Variants in RALYL observed in about 807,000 individuals in gnomAD.
The protein encoded by RALYL is RALY RNA binding protein like.
RALYL carries 29 observed loss-of-function variants against 35.1 expected under a neutral mutation model. The ratio of observed to expected loss-of-function variants is 0.83; its 90% confidence interval spans 0.61 to 1.13. RALYL has a LOEUF of 1.13. Ranked by LOEUF, RALYL falls within the 50% of genes most tolerant of loss-of-function variation. The pLI is 0.00. For synonymous variants in RALYL, 120 were observed against 127.6 expected (o/e 0.94, Z 0.40); for missense variants, 359 against 360.4 (o/e 1.00, Z 0.03).
intron 1 of RALYL, among the ~76,000 whole-genome samples, chr8:84,251,616 G>A (rs1018436388): frequency 2.6e-5 from 4 of 151,688 alleles, no homozygotes; most frequent in African/African-American, 4.8e-5. Flanking sequence ...TGTACATTTC[G>A]CCTTACCTTT....
intron 1 of RALYL, among the ~76,000 whole-genome samples, chr8:84,206,954 T>C (rs1005904769): frequency 2.0e-5 from 3 of 152,042 alleles, no homozygotes; most frequent in Non-Finnish European, 4.4e-5. Context: ...GAAATGCAGA[T>C]CAAAACCACA....
intron 1 of RALYL, among the ~76,000 whole-genome samples, chr8:84,401,637 CAAAAAAAA>C (rs71271985): frequency 1.7e-4 from 3 of 17,406 alleles, no homozygotes; most frequent in Non-Finnish European, 2.5e-4. Flanking sequence ...GACTCTGTCT[CAAAAAAAA>C]AAAAAAAAAA....
At chr8:84,730,731 C>A (rs1846009168) in intron 2 of RALYL, among the ~76,000 whole-genome samples, 2 of 151,962 alleles carry the variant, frequency 1.3e-5, no homozygotes. Flanking sequence ...TGGGACATAA[C>A]AAAACTCGTA....
intron 1 of RALYL, among the ~76,000 whole-genome samples, chr8:84,365,006 A>G (rs143972073): frequency 2.2e-3 from 341 of 152,236 alleles, no homozygotes; most frequent in African/African-American, 7.8e-3. Flanking sequence ...TAAATATCCT[A>G]TGGGAATGAT....
At chr8:84,838,424 C>A (rs1038747559) in intron 4 of RALYL, among the ~76,000 whole-genome samples, 2 of 152,174 alleles carry the variant, frequency 1.3e-5, no homozygotes, top group African/African-American at 4.8e-5. Flanking sequence ...CTTTGAATCT[C>A]TTTCTCTTTC....
At chr8:84,849,117 AAAC>A (rs1306728178) in intron 4 of RALYL, among the ~76,000 whole-genome samples, 1 of 152,218 alleles carries the variant, frequency 6.6e-6, no homozygotes, top group Non-Finnish European at 1.5e-5. Flanking sequence ...TCGTAAATTC[AAAC>A]AACAAGGCAA....
chr8:84,347,874 A>T (rs1850139564), intron 1 of RALYL, among the ~76,000 whole-genome samples: 1 of 152,124 alleles, frequency 6.6e-6, no homozygotes, highest in Non-Finnish European at 1.5e-5. Context: ...AGTAAAGAAC[A>T]ATTCATGAGT....
chr8:84,796,453 T>C (rs1473130418), intron 3 of RALYL, among the ~76,000 whole-genome samples: 1 of 151,738 alleles, frequency 6.6e-6, no homozygotes, highest in East Asian at 1.9e-4. Flanking sequence ...GAAGACTCTT[T>C]CTTTATTAAA....
At chr8:84,380,988 T>G (rs988918506) in intron 1 of RALYL, among the ~76,000 whole-genome samples, 2 of 151,786 alleles carry the variant, frequency 1.3e-5, no homozygotes, top group Non-Finnish European at 2.9e-5. Context: ...GGTCCACCAG[T>G]GCACCAAGAG....
At chr8:84,469,197 C>T (rs1454092576) in intron 1 of RALYL, among the ~76,000 whole-genome samples, 1 of 152,144 alleles carries the variant, frequency 6.6e-6, no homozygotes, top group Non-Finnish European at 1.5e-5. Context: ...GAACTGTGTT[C>T]CTTTGGAGGA....
chr8:84,875,631 A>T (rs1840997376), intron 7 of RALYL, among the ~76,000 whole-genome samples: 1 of 152,150 alleles, frequency 6.6e-6, no homozygotes, highest in Non-Finnish European at 1.5e-5. Flanking sequence ...TTGTTTCCTG[A>T]ATAGTGTATT....
intron 1 of RALYL, among the ~76,000 whole-genome samples, chr8:84,474,928 AT>A (rs1443282576): frequency 1.2e-5 from 1 of 84,874 alleles, no homozygotes; most frequent in Non-Finnish European, 2.1e-5. Context: ...TTGTTTTATT[AT>A]ACTTTAAGTT....
Position 84,204,293 on chromosome 8 carries a change from T to G in RALYL, c.-24+19869T>G, listed in dbSNP as rs117523961. Among the ~76,000 whole-genome samples, 934 of 152,202 alleles carry G rather than the reference T, an allele frequency of 6.1e-3. 6 individuals carry two copies. The highest frequency in any genetic ancestry group is 0.01 in the Non-Finnish European group (697 of 67,978). ...GAAGAGCACCACAAAAATATATCTT[T>G]TTATCATTGGATTAAAATATCTAGA... On this transcript the variant is annotated intron_variant, in intron 1 of 8. Coordinates refer to ENST00000521268, the MANE Select transcript of RALYL (RefSeq NM_173848.7).
chr8:84,529,710 T>C, intron 2 of RALYL, 133 bp downstream of exon 2: 2 of 683,714 alleles, frequency 2.9e-6, no homozygotes, highest in Middle Eastern at 4.4e-4. Context: ...ATTTATTATT[T>C]ATATTTTTTC....
chr8:84,497,365 A>AT (rs778061691), intron 1 of RALYL, among the ~76,000 whole-genome samples: 16 of 152,132 alleles, frequency 1.1e-4, no homozygotes, highest in Non-Finnish European at 2.4e-4. Context: ...TCTAGTAACT[A>AT]TGAGTAACTA....
At position 84,387,804 on chromosome 8, in the gene RALYL, T is replaced by TTTC. The variant is rs1491274996; in HGVS notation, c.-23-141493_-23-141492insCTT. Among the ~76,000 whole-genome samples the TTTC allele has an allele frequency of 3.5e-5, 3 of 85,920 alleles. No individual in the cohort carries two copies. In the East Asian group the frequency reaches 8.5e-4, roughly 24 times the overall value. 56.4% of individuals were successfully genotyped at this position (85,920 alleles called of 152,430 possible). ...GGTGGTTCTTTTCTTTCTTTCTTTC[T>TTTC]TTTTTTTTTTTTTTGATTGTAAGAT... is the stretch of plus-strand genomic sequence containing the variant. On this transcript the variant is annotated intron_variant, in intron 1 of 8. Coordinates refer to ENST00000521268, the MANE Select transcript of RALYL (RefSeq NM_173848.7).
At chr8:84,265,248 C>T (rs758821093) in intron 1 of RALYL, among the ~76,000 whole-genome samples, 3 of 152,200 alleles carry the variant, frequency 2.0e-5, no homozygotes, top group East Asian at 1.9e-4. Context: ...AGGATATGGA[C>T]GTTGAGATGG....
chr8:84,466,404 G>A (rs1310755739), intron 1 of RALYL, among the ~76,000 whole-genome samples: 4 of 148,390 alleles, frequency 2.7e-5, no homozygotes, highest in African/African-American at 1.0e-4. Flanking sequence ...AGATAATCAT[G>A]TGGTTTTTGT....
intron 1 of RALYL, among the ~76,000 whole-genome samples, chr8:84,476,395 C>A (rs902154077): frequency 6.6e-6 from 1 of 152,138 alleles, no homozygotes; most frequent in South Asian, 2.1e-4. Context: ...TATGGAAAAC[C>A]TCTTTTGCTT....
Sources: allele counts gnomAD v4.1 joint callset (sites outside exome capture counted in the v4.1 genomes callset), GRCh38; gene constraint gnomAD v4.1.1; transcripts MANE v1.5; gene names NCBI Gene and HGNC (gene_info 2026-07-23, HGNC 2026-07-21).